NKAIN3: variants seen among roughly 807,000 people sequenced by gnomAD.
NKAIN3 encodes the protein sodium/potassium-transporting ATPase subunit beta-1-interacting protein 3.
A neutral mutation model predicts 30.2 loss-of-function variants in NKAIN3; 25 were observed. That is an observed-to-expected ratio of 0.83 (90% CI 0.60 to 1.16). The LOEUF (loss-of-function observed/expected upper bound fraction) is 1.16. Among genes scored for constraint, NKAIN3 ranks in the 50% most tolerant of loss-of-function variants. The probability of loss-of-function intolerance (pLI) is 0.00; values close to 1 mark genes in which losing one functional copy is unlikely to be tolerated. For missense variants in NKAIN3, 225 were observed against 254.1 expected (o/e 0.89, Z 0.78); for synonymous variants, 91 against 89.6 (o/e 1.02, Z -0.09).
At chr8:62,382,962 T>C (rs531244503) in intron 1 of NKAIN3, among the ~76,000 whole-genome samples, 3 of 152,300 alleles carry the variant, frequency 2.0e-5, no homozygotes, top group Admixed American at 6.5e-5. Context: ...ACTTTCACGA[T>C]GTTCTTTCAG....
intron 1 of NKAIN3, among the ~76,000 whole-genome samples, chr8:62,317,956 G>A (rs1037815290): frequency 5.9e-5 from 9 of 152,144 alleles, no homozygotes; most frequent in Non-Finnish European, 1.2e-4. Context: ...ATTTCATTGA[G>A]CAGTGGTTTG....
At chr8:62,498,145 G>C (rs1432227045) in intron 1 of NKAIN3, among the ~76,000 whole-genome samples, 1 of 152,018 alleles carries the variant, frequency 6.6e-6, no homozygotes, top group Non-Finnish European at 1.5e-5. Context: ...AGCCCAGATT[G>C]GTATATAATG....
chr8:62,625,126 G>A (rs1018712598), intron 3 of NKAIN3, among the ~76,000 whole-genome samples: 3 of 151,992 alleles, frequency 2.0e-5, no homozygotes, highest in Admixed American at 6.6e-5. Flanking sequence ...TCTTCAAACT[G>A]TATTTCTTGC....
At chr8:62,908,259 A>G (rs922524577) in intron 4 of NKAIN3, among the ~76,000 whole-genome samples, 6 of 152,086 alleles carry the variant, frequency 3.9e-5, no homozygotes, top group African/African-American at 1.4e-4. Flanking sequence ...CTGTACCCCC[A>G]TTGTATCTTG....
intron 4 of NKAIN3, among the ~76,000 whole-genome samples, chr8:62,754,639 C>T (rs1417942432): frequency 6.6e-6 from 1 of 152,158 alleles, no homozygotes; most frequent in African/African-American, 2.4e-5. Context: ...TTTTCATCAT[C>T]CCTATGCCTT....
chr8:62,843,863 G>T (rs10216420), intron 4 of NKAIN3, among the ~76,000 whole-genome samples: 135,084 of 152,008 alleles, frequency 0.89, 60,225 homozygotes, highest in African/African-American at 0.95. Context: ...AGGGAGTGCT[G>T]TTCACTGCAA....
At chr8:62,481,140 T>C (rs1806706117) in intron 1 of NKAIN3, among the ~76,000 whole-genome samples, 1 of 152,218 alleles carries the variant, frequency 6.6e-6, no homozygotes, top group African/African-American at 2.4e-5. Flanking sequence ...CCGATCTAGA[T>C]AGTCAGATTC....
chr8:62,318,301 C>T (rs1030106636), intron 1 of NKAIN3, among the ~76,000 whole-genome samples: 13 of 152,110 alleles, frequency 8.5e-5, no homozygotes, highest in Non-Finnish European at 1.8e-4. Context: ...CTGGCCAGAA[C>T]GTCCAGCACG....
chr8:62,308,599 T>G (rs186199096), intron 1 of NKAIN3, among the ~76,000 whole-genome samples: 1 of 150,596 alleles, frequency 6.6e-6, no homozygotes, highest in African/African-American at 2.5e-5. Flanking sequence ...ACTAGAGTAG[T>G]TGCATTCTGC....
At chr8:62,695,834 A>G (rs1814136695) in intron 3 of NKAIN3, among the ~76,000 whole-genome samples, 1 of 152,192 alleles carries the variant, frequency 6.6e-6, no homozygotes, top group Admixed American at 6.5e-5. Flanking sequence ...AGTCATGGTC[A>G]AGGCTGTAAT....
intron 2 of NKAIN3, among the ~76,000 whole-genome samples, chr8:62,584,196 T>C (rs1810401455): frequency 6.6e-6 from 1 of 152,188 alleles, no homozygotes; most frequent in South Asian, 2.1e-4. Flanking sequence ...CTATTTTTAG[T>C]ATTGTCTTCC....
At chr8:62,328,499 ATGT>A (rs1481060863) in intron 1 of NKAIN3, among the ~76,000 whole-genome samples, 1 of 152,060 alleles carries the variant, frequency 6.6e-6, no homozygotes, top group East Asian at 1.9e-4. Flanking sequence ...TAAAGAGATG[ATGT>A]TGATATTATC....
intron 1 of NKAIN3, among the ~76,000 whole-genome samples, chr8:62,476,717 A>C (rs1175628134): frequency 6.6e-6 from 1 of 152,060 alleles, no homozygotes; most frequent in East Asian, 1.9e-4. Flanking sequence ...TGCCTCCCAA[A>C]GTGCTGGGAT....
intron 1 of NKAIN3, among the ~76,000 whole-genome samples, chr8:62,441,188 AG>A (rs1805313744): frequency 6.6e-6 from 1 of 152,144 alleles, no homozygotes; most frequent in Non-Finnish European, 1.5e-5. Flanking sequence ...TTAAAGAAGT[AG>A]GAGATAATAT....
intron 5 of NKAIN3, among the ~76,000 whole-genome samples, chr8:62,950,917 C>T (rs1401664198): frequency 2.1e-5 from 3 of 143,018 alleles, no homozygotes; most frequent in Admixed American, 7.2e-5. Flanking sequence ...TCAAGGTATG[C>T]GAGATGCATG....
At chr8:62,838,345 T>C (rs941567259) in intron 4 of NKAIN3, among the ~76,000 whole-genome samples, 3 of 151,830 alleles carry the variant, frequency 2.0e-5, no homozygotes, top group African/African-American at 7.3e-5. Context: ...CACACATATA[T>C]ACACACATAC....
At chr8:62,526,186 G>A (rs6986733) in intron 1 of NKAIN3, among the ~76,000 whole-genome samples, 73,129 of 151,872 alleles carry the variant, frequency 0.48, 19,022 homozygotes, top group Non-Finnish European at 0.58. Flanking sequence ...AGAGCTGGGA[G>A]GAACATTAAT....
intron 3 of NKAIN3, among the ~76,000 whole-genome samples, chr8:62,712,508 G>A (rs1814755160): frequency 6.6e-6 from 1 of 152,048 alleles, no homozygotes; most frequent in Non-Finnish European, 1.5e-5. Flanking sequence ...CAGGTTATCA[G>A]GGAAGTGGGG....
chr8:62,477,398 CT>C (rs2129600489), intron 1 of NKAIN3, among the ~76,000 whole-genome samples: 1 of 152,248 alleles, frequency 6.6e-6, no homozygotes, highest in Non-Finnish European at 1.5e-5. Flanking sequence ...TAGGCTTTCC[CT>C]GTGTGAGCCA....
Sources: allele counts gnomAD v4.1 joint callset (sites outside exome capture counted in the v4.1 genomes callset), GRCh38; gene constraint gnomAD v4.1.1; transcripts MANE v1.5; gene names NCBI Gene and HGNC (gene_info 2026-07-23, HGNC 2026-07-21).